Variants in NCK2 observed in about 807,000 individuals in gnomAD.
NCK2 encodes the protein cytoplasmic protein NCK2.
NCK2 carries 16 observed loss-of-function variants against 33.9 expected under a neutral mutation model. The observed-to-expected ratio is 0.47, with a 90% CI of 0.32 to 0.72. The LOEUF (loss-of-function observed/expected upper bound fraction) is 0.72. Among genes scored for constraint, NCK2 ranks in the 30% least tolerant of loss-of-function variants. NCK2 has a pLI of 0.03. For synonymous variants in NCK2, 273 were observed against 239.9 expected (o/e 1.14, Z -1.27); for missense variants, 418 against 537.3 (o/e 0.78, Z 2.19).
chr2:105,823,767 C>T (rs1675837425), intron 2 of NCK2, among the ~76,000 whole-genome samples: 1 of 152,052 alleles, frequency 6.6e-6, no homozygotes, highest in South Asian at 2.1e-4. Flanking sequence ...TTCTCAGCTT[C>T]TCAGAGTCAC....
rs1678490031 is a variant in NCK2 at position 105,881,612 on chromosome 2, G to T, written c.511G>T (p.Glu171Ter). 1 of 1,613,640 alleles carries T rather than the reference G, an allele frequency of 6.2e-7. No individual in the cohort carries two copies. The highest frequency in any genetic ancestry group is 1.7e-5 in the Admixed American group (1 of 59,996). The change falls in exon 4 of 5, where the codon GAG (glutamate) becomes TAG (stop). Residue 171 changes from glutamate to a stop codon, truncating the protein, a stop_gained. Coordinates refer to ENST00000233154, the MANE Select transcript of NCK2 (RefSeq NM_003581.5). LOFTEE classifies it high-confidence loss of function. ...PSNYVLEEVDEAAAESPSFLS... is the reference protein window; with the variant it reads ...PSNYVLEEVD The stretch of plus-strand genomic sequence containing the variant: ...CAACTACGTCTTGGAGGAGGTGGAC[G>T]AGGCGGCTGCGGAGTCCCCAAGCTT...
intron 3 of NCK2, among the ~76,000 whole-genome samples, chr2:105,870,451 T>G (rs1277209260): frequency 1.3e-5 from 2 of 152,136 alleles, no homozygotes; most frequent in African/African-American, 2.4e-5. Flanking sequence ...GGGGTATGCA[T>G]GCCTAGAAAT....
chr2:105,778,860 C>T lies in NCK2; in HGVS notation c.-201+33722C>T, dbSNP rs1573581640. ...GCCTCAGCTTCCCAAGTAGCTAGGA[C>T]TATAGGCACACACCACTATACCAGG... On this transcript the variant is annotated intron_variant, in intron 1 of 4. Transcript: ENST00000233154. 2.6e-5 allele frequency among the ~76,000 whole-genome samples: 4 copies of T among 151,976 alleles called. 1 individual carries two copies. In the East Asian group the frequency reaches 7.7e-4, roughly 29 times the overall value.
At chr2:105,809,813 T>A (rs1440495557) in intron 1 of NCK2, among the ~76,000 whole-genome samples, 3 of 152,056 alleles carry the variant, frequency 2.0e-5, no homozygotes, top group African/African-American at 7.2e-5. Context: ...CAGGAGGTCT[T>A]CCTGGAGGAG....
intron 1 of NCK2, among the ~76,000 whole-genome samples, chr2:105,779,416 A>T (rs1305092612): frequency 6.6e-6 from 1 of 152,176 alleles, no homozygotes; most frequent in East Asian, 1.9e-4. Flanking sequence ...TAATTAACTA[A>T]AGGGGATACT....
intron 1 of NCK2, among the ~76,000 whole-genome samples, chr2:105,786,621 C>G (rs1444887110): frequency 6.6e-6 from 1 of 152,222 alleles, no homozygotes; most frequent in Non-Finnish European, 1.5e-5. Context: ...ATAGCTGGCT[C>G]AGGGTGAGGC....
intron 2 of NCK2, among the ~76,000 whole-genome samples, chr2:105,816,898 C>T (rs115436337): frequency 0.017 from 2,648 of 152,214 alleles, 39 homozygotes; most frequent in Non-Finnish European, 0.022. Context: ...GAATCCATAA[C>T]GAATCCTGGT....
chr2:105,800,589 G>T (rs1379641878), intron 1 of NCK2, among the ~76,000 whole-genome samples: 4 of 152,094 alleles, frequency 2.6e-5, no homozygotes. Flanking sequence ...GCTGACATGG[G>T]GTTAGTCTCA....
chr2:105,800,622 C>G (rs1674792052), intron 1 of NCK2, among the ~76,000 whole-genome samples: 2 of 152,146 alleles, frequency 1.3e-5, no homozygotes, highest in Admixed American at 1.3e-4. Flanking sequence ...GGCCTAAGAA[C>G]AAGAAACATT....
chr2:105,855,311 G>A, intron 3 of NCK2, 22 bp downstream of exon 3: 1 of 1,551,064 alleles, frequency 6.4e-7, no homozygotes, highest in Non-Finnish European at 8.8e-7. Context: ...ACCCTCGAGA[G>A]AGGAAGCCTT....
chr2:105,837,139 T>C (rs1676465000), intron 2 of NCK2, among the ~76,000 whole-genome samples: 1 of 152,214 alleles, frequency 6.6e-6, no homozygotes, highest in Admixed American at 6.5e-5. Flanking sequence ...TGTTGCTTCT[T>C]TGCTGAATTC....
intron 1 of NCK2, among the ~76,000 whole-genome samples, chr2:105,747,546 A>G (rs1339284251): frequency 6.6e-6 from 1 of 152,244 alleles, no homozygotes; most frequent in Non-Finnish European, 1.5e-5. Context: ...GACATTAAAA[A>G]TGAGGCTTAA....
chr2:105,744,872 C>CGCCGCT (rs1553448928), upstream of NCK2: 1 of 160,292 alleles, frequency 6.2e-6, no homozygotes, highest in African/African-American at 2.5e-5. Flanking sequence ...GGGTCGCCGC[C>CGCCGCT]GCCGCCGCCG....
intron 1 of NCK2, among the ~76,000 whole-genome samples, chr2:105,773,458 G>A (rs1690201168): frequency 6.6e-6 from 1 of 151,978 alleles, no homozygotes; most frequent in Non-Finnish European, 1.5e-5. Context: ...TCAGCTCAGG[G>A]CCATCACCAC....
intron 1 of NCK2, among the ~76,000 whole-genome samples, chr2:105,805,257 C>T (rs560378398): frequency 3.1e-4 from 47 of 152,236 alleles, no homozygotes; most frequent in African/African-American, 1.1e-3. Flanking sequence ...AAGATGTTCC[C>T]AGTACGGGGA....
Position 105,893,180 on chromosome 2 carries a change from C to T in NCK2, c.*4C>T, listed in dbSNP as rs1227185716. 16 of 1,579,254 alleles carry T rather than the reference C, an allele frequency of 1.0e-5. No homozygotes were observed. Among genetic ancestry groups the T allele is most frequent in the Admixed American group, 1.8e-5 (1 of 55,544 alleles). The stretch of plus-strand genomic sequence containing the variant: ...CCTCGTCAGGGCCCTGCAGTGACGG[C>T]GCCCCGGCCCCACACTCGCCTCCCG... On this transcript the variant is annotated 3_prime_UTR_variant, in exon 5 of 5. Coordinates refer to ENST00000233154, the MANE Select transcript of NCK2 (RefSeq NM_003581.5).
intron 1 of NCK2, chr2:105,745,675 G>C (rs1193064699): frequency 6.6e-6 from 1 of 152,262 alleles, no homozygotes; most frequent in Non-Finnish European, 1.5e-5. Context: ...AACTATTTAT[G>C]TTCGCGCACA....
At chr2:105,770,744 C>T (rs1411720739) in intron 1 of NCK2, among the ~76,000 whole-genome samples, 2 of 152,082 alleles carry the variant, frequency 1.3e-5, no homozygotes, top group Non-Finnish European at 2.9e-5. Context: ...AGATCTTTAA[C>T]AGGTCAAGAA....
At chr2:105,794,970 TG>T (rs777864462) in intron 1 of NCK2, among the ~76,000 whole-genome samples, 9 of 152,212 alleles carry the variant, frequency 5.9e-5, no homozygotes, top group East Asian at 1.9e-4. Context: ...TTTTTAAAGA[TG>T]TTTTTTTCTT....
Sources: gnomAD v4.1 joint callset for allele counts (sites outside exome capture counted in the v4.1 genomes callset) on GRCh38, gnomAD v4.1.1 for gene constraint, MANE v1.5 for transcripts, NCBI Gene and HGNC (gene_info 2026-07-23, HGNC 2026-07-21) for gene names.